The following CTNNA2 variants were observed in gnomAD, a reference collection of about 807,000 sequenced individuals.
CTNNA2 encodes the protein catenin alpha-2.
CTNNA2 carries 42 observed loss-of-function variants against 101.0 expected under a neutral mutation model. The ratio of observed to expected loss-of-function variants is 0.42; its 90% CI spans 0.32 to 0.54. The LOEUF (loss-of-function observed/expected upper bound fraction) is 0.54, where lower values mean the gene tolerates loss of function less well. CTNNA2 is among the 20% of genes least tolerant of loss of function. The pLI is 0.14. For synonymous variants in CTNNA2, 450 were observed against 456.4 expected, an observed-to-expected ratio of 0.99 and a Z score of 0.18; for missense variants, 871 against 1,223.1, an observed-to-expected ratio of 0.71 and a Z score of 4.29.
intron 2 of CTNNA2, among the ~76,000 whole-genome samples, chr2:79,672,805 G>C (rs1029592461): frequency 6.6e-6 from 1 of 151,284 alleles, no homozygotes; most frequent in Admixed American, 6.6e-5. Flanking sequence ...TGCCTCCCAG[G>C]TTCAAGTGAT....
intron 7 of CTNNA2, among the ~76,000 whole-genome samples, chr2:80,073,730 TCACACA>T (rs3067109): frequency 0.054 from 7,101 of 130,472 alleles, 496 homozygotes; most frequent in African/African-American, 0.16. Context: ...TCTCTCTCTG[TCACACA>T]CACACACACA....
At chr2:79,441,317 C>T (rs1037625353) in intron 4 of CTNNA2, among the ~76,000 whole-genome samples, 2 of 152,156 alleles carry the variant, frequency 1.3e-5, no homozygotes, top group Non-Finnish European at 2.9e-5. Context: ...TATGTATCAT[C>T]TCTACAACTG....
chr2:79,813,306 C>G (rs1360990892), intron 3 of CTNNA2, among the ~76,000 whole-genome samples: 2 of 152,088 alleles, frequency 1.3e-5, no homozygotes, highest in African/African-American at 4.8e-5. Flanking sequence ...AAAGAAGAAG[C>G]AAGGAGACCA....
chr2:80,253,597 C>G (rs1248608903), intron 7 of CTNNA2, among the ~76,000 whole-genome samples: 1 of 152,066 alleles, frequency 6.6e-6, no homozygotes, highest in African/African-American at 2.4e-5. Flanking sequence ...TCTCCTTCAC[C>G]TCTCATGCTC....
At chr2:80,622,992 G>A (rs950364631) in intron 18 of CTNNA2, among the ~76,000 whole-genome samples, 3 of 148,924 alleles carry the variant, frequency 2.0e-5, no homozygotes, top group Non-Finnish European at 4.5e-5. Context: ...TTTGGGGATG[G>A]TGAAGTAGTA....
At chr2:79,823,785 T>G (rs764862794) in intron 3 of CTNNA2, among the ~76,000 whole-genome samples, 4 of 151,726 alleles carry the variant, frequency 2.6e-5, no homozygotes, top group Non-Finnish European at 5.9e-5. Context: ...AAAATAAAGG[T>G]TTTTTTTGTC....
At chr2:79,890,801 G>T (rs144542374) in intron 6 of CTNNA2, among the ~76,000 whole-genome samples, 1 of 143,982 alleles carries the variant, frequency 6.9e-6, no homozygotes, top group Non-Finnish European at 1.5e-5. Context: ...CATGGTTTTG[G>T]AGGCCAGGGA....
intron 2 of CTNNA2, among the ~76,000 whole-genome samples, chr2:79,670,070 TC>T (rs1313459112): frequency 1.3e-5 from 2 of 152,142 alleles, no homozygotes; most frequent in Non-Finnish European, 2.9e-5. Context: ...GGGGGATACT[TC>T]CTGGGGCCCC....
chr2:79,554,525 C>T (rs531780992), intron 1 of CTNNA2, among the ~76,000 whole-genome samples: 2 of 152,250 alleles, frequency 1.3e-5, no homozygotes, highest in Middle Eastern at 6.8e-3. Context: ...GGGACTGACA[C>T]ATCTAATTAT....
intron 2 of CTNNA2, among the ~76,000 whole-genome samples, chr2:79,234,067 T>TACATGATGACAA (rs1261649604): frequency 4.6e-5 from 7 of 151,148 alleles, no homozygotes; most frequent in Non-Finnish European, 8.8e-5. Context: ...TACAAGATTT[T>TACATGATGACAA]GATCCTGTCA....
At chr2:79,298,471 T>C (rs576072248) in intron 2 of CTNNA2, among the ~76,000 whole-genome samples, 1 of 152,198 alleles carries the variant, frequency 6.6e-6, no homozygotes, top group South Asian at 2.1e-4. Context: ...GCTACAACAT[T>C]TGCGCATCAC....
chr2:80,112,673 T>C (rs1274303105), intron 7 of CTNNA2, among the ~76,000 whole-genome samples: 4 of 152,222 alleles, frequency 2.6e-5, no homozygotes, highest in Non-Finnish European at 5.9e-5. Context: ...GAAGTTGTTA[T>C]ATTTGTTTAA....
intron 7 of CTNNA2, among the ~76,000 whole-genome samples, chr2:80,157,324 G>A (rs1195928865): frequency 6.6e-6 from 1 of 152,136 alleles, no homozygotes; most frequent in Non-Finnish European, 1.5e-5. Context: ...GTGAGAAAGG[G>A]TTCTTTGACA....
chr2:80,372,581 A>G (rs1028539926), intron 7 of CTNNA2, among the ~76,000 whole-genome samples: 1 of 152,124 alleles, frequency 6.6e-6, no homozygotes, highest in Non-Finnish European at 1.5e-5. Context: ...TGAGTATGTC[A>G]TAAGAATTAA....
chr2:79,325,528 C>T (rs2104413383), intron 3 of CTNNA2, among the ~76,000 whole-genome samples: 1 of 152,318 alleles, frequency 6.6e-6, no homozygotes, highest in East Asian at 1.9e-4. Flanking sequence ...GCTTATAAAA[C>T]AAGATAGTCA....
chr2:80,463,056 T>G (rs954919857), intron 9 of CTNNA2, among the ~76,000 whole-genome samples: 7 of 152,276 alleles, frequency 4.6e-5, no homozygotes, highest in East Asian at 1.9e-4. Context: ...CCTGACTCCC[T>G]AGGAGTTGGC....
rs1382436348 is a variant in CTNNA2 at position 80,295,222 on chromosome 2, C to CA, written c.1057-97986dup. Among the ~76,000 whole-genome samples, 37 of 128,366 alleles carry CA rather than the reference C, an allele frequency of 2.9e-4. No individual in the cohort carries two copies. In the East Asian group the frequency reaches 8.1e-3, roughly 28 times the overall value. The allele number at this position is 128,366 out of a possible 152,430, so 84.2% of individuals were successfully genotyped here. A position where few individuals can be genotyped will look rare whatever the true frequency, so the allele number is the denominator to read the frequency against. On this transcript the variant is annotated intron_variant, in intron 7 of 18. Transcript: ENST00000402739. ...AGTATGTCATTTTGAGAGTCCTGAA[C>CA]AAATTTTTTTTTTTTTTGTGGGTAG... is the stretch of plus-strand genomic sequence containing the variant.
intron 7 of CTNNA2, among the ~76,000 whole-genome samples, chr2:80,349,558 T>C (rs1007898223): frequency 6.6e-6 from 1 of 151,862 alleles, no homozygotes; most frequent in Non-Finnish European, 1.5e-5. Context: ...CCACCTTCCT[T>C]TTTTTTTCCT....
At chr2:79,397,460 T>C (rs1678245238) in intron 4 of CTNNA2, among the ~76,000 whole-genome samples, 1 of 152,084 alleles carries the variant, frequency 6.6e-6, no homozygotes, top group Non-Finnish European at 1.5e-5. Context: ...GGTATATCTT[T>C]CACAAGAAAG....
Sources: allele counts gnomAD v4.1 joint callset (sites outside exome capture counted in the v4.1 genomes callset), GRCh38; gene constraint gnomAD v4.1.1; transcripts MANE v1.5; gene names NCBI Gene and HGNC (gene_info 2026-07-23, HGNC 2026-07-21).